Variants in TRIO observed in about 807,000 individuals in gnomAD.
TRIO encodes the protein trio Rho guanine nucleotide exchange factor.
Under a neutral mutation model 351.9 loss-of-function variants are expected in TRIO, and 58 were observed. The observed-to-expected ratio is 0.16, with a 90% confidence interval of 0.13 to 0.21. The LOEUF (loss-of-function observed/expected upper bound fraction) is 0.21, where lower values mean the gene tolerates loss of function less well. Among genes scored for constraint, TRIO ranks in the 10% least tolerant of loss-of-function variants. The pLI is 1.00. For synonymous variants in TRIO, 1,758 were observed against 1,595.7 expected (o/e 1.10, Z -2.42); for missense variants, 3,201 against 4,027.8 (o/e 0.79, Z 5.56).
intron 48 of TRIO, 123 bp from the exon 49 acceptor site, chr5:14,492,444 C>G (rs529396714): frequency 7.4e-7 from 1 of 1,348,592 alleles, no homozygotes; most frequent in Admixed American, 2.3e-5. Context: ...TTTCTCGGTG[C>G]TTGCCTGGTG....
At chr5:14,412,283 C>G (rs1027804914) in intron 33 of TRIO, among the ~76,000 whole-genome samples, 2 of 152,206 alleles carry the variant, frequency 1.3e-5, no homozygotes, top group Non-Finnish European at 2.9e-5. Flanking sequence ...CCACCATGCC[C>G]GGCCACGGTT....
At chr5:14,458,037 G>A (rs1388557132) in intron 34 of TRIO, among the ~76,000 whole-genome samples, 1 of 151,400 alleles carries the variant, frequency 6.6e-6, no homozygotes, top group Non-Finnish European at 1.5e-5. Context: ...AAGTGGGCCT[G>A]GGTCTTTTTT....
chr5:14,329,022 A>C (rs924486918), intron 9 of TRIO, among the ~76,000 whole-genome samples: 1 of 152,198 alleles, frequency 6.6e-6, no homozygotes, highest in Non-Finnish European at 1.5e-5. Flanking sequence ...AGGCCCTCAG[A>C]TGTGAAGGTC....
At chr5:14,337,549 GA>G (rs752823260) in intron 11 of TRIO, among the ~76,000 whole-genome samples, 1 of 152,134 alleles carries the variant, frequency 6.6e-6, no homozygotes, top group Non-Finnish European at 1.5e-5. Context: ...GGTAACTGGG[GA>G]CTATGCACAT....
At chr5:14,395,280 A>G (rs1327855900) in intron 28 of TRIO, among the ~76,000 whole-genome samples, 1 of 152,236 alleles carries the variant, frequency 6.6e-6, no homozygotes, top group African/African-American at 2.4e-5. Flanking sequence ...CCGCAGAAAT[A>G]TATAGTTACT....
intron 34 of TRIO, among the ~76,000 whole-genome samples, chr5:14,423,795 G>A (rs556195874): frequency 6.6e-6 from 1 of 152,098 alleles, no homozygotes; most frequent in East Asian, 1.9e-4. Context: ...TCCTGGGGAG[G>A]GCCTTCCGTC....
intron 2 of TRIO, among the ~76,000 whole-genome samples, chr5:14,276,425 G>A (rs1404563613): frequency 6.6e-6 from 1 of 152,268 alleles, no homozygotes; most frequent in African/African-American, 2.4e-5. Flanking sequence ...GGCTGGCGAG[G>A]TGCTCGCCTT....
chr5:14,292,899 T>G, intron 5 of TRIO, 113 bp from the exon 6 acceptor site: 1 of 1,471,542 alleles, frequency 6.8e-7, no homozygotes, highest in Non-Finnish European at 9.3e-7. Flanking sequence ...AGACAGCGCT[T>G]GAAGTTGTCC....
chr5:14,356,557 A>G (rs1315214845), intron 11 of TRIO, among the ~76,000 whole-genome samples: 2 of 152,230 alleles, frequency 1.3e-5, no homozygotes, highest in Non-Finnish European at 2.9e-5. Flanking sequence ...CACTTTGGAA[A>G]AGCTTGGCAG....
chr5:14,418,162 C>T (rs1358839453), intron 33 of TRIO, among the ~76,000 whole-genome samples: 1 of 152,044 alleles, frequency 6.6e-6, no homozygotes, highest in African/African-American at 2.4e-5. Flanking sequence ...ATAGAGGGGA[C>T]GTGGGGGCTT....
chr5:14,157,027 G>A (rs1259576082), intron 1 of TRIO, among the ~76,000 whole-genome samples: 1 of 152,182 alleles, frequency 6.6e-6, no homozygotes, highest in East Asian at 1.9e-4. Context: ...AATTGCCAAA[G>A]AGAAGAAATA....
intron 11 of TRIO, among the ~76,000 whole-genome samples, chr5:14,355,927 T>G (rs1743574545): frequency 6.6e-6 from 1 of 152,192 alleles, no homozygotes; most frequent in Admixed American, 6.5e-5. Flanking sequence ...ATGTATAAAA[T>G]GAAAATTTTG....
At chr5:14,457,043 C>T (rs1381737828) in intron 34 of TRIO, among the ~76,000 whole-genome samples, 2 of 152,040 alleles carry the variant, frequency 1.3e-5, no homozygotes, top group Non-Finnish European at 2.9e-5. Flanking sequence ...TTTTCCCCAC[C>T]AGAGAGAGTC....
intron 19 of TRIO, among the ~76,000 whole-genome samples, chr5:14,376,460 A>G (rs1195528683): frequency 1.3e-5 from 2 of 152,220 alleles, no homozygotes; most frequent in African/African-American, 4.8e-5. Context: ...AGAGAAATAC[A>G]AACATATATT....
chr5:14,500,888 C>CA (rs34729667), intron 53 of TRIO, among the ~76,000 whole-genome samples: 4,157 of 63,222 alleles, frequency 0.066, 142 homozygotes, highest in Non-Finnish European at 0.09. Context: ...GACTCTGCCT[C>CA]AAAAAAAAAA....
intron 40 of TRIO, among the ~76,000 whole-genome samples, chr5:14,475,430 T>C (rs1754999285): frequency 6.6e-6 from 1 of 152,214 alleles, no homozygotes; most frequent in Non-Finnish European, 1.5e-5. Context: ...GATGGGAATA[T>C]GCTCTTTTAA....
chr5:14,346,151 A>G (rs1433736078), intron 11 of TRIO, among the ~76,000 whole-genome samples: 1 of 152,144 alleles, frequency 6.6e-6, no homozygotes, highest in Non-Finnish European at 1.5e-5. Context: ...TTTTGTTATC[A>G]TTTGTTTGTT....
intron 28 of TRIO, among the ~76,000 whole-genome samples, chr5:14,396,111 T>C (rs1277992776): frequency 6.6e-6 from 1 of 151,120 alleles, no homozygotes; most frequent in Non-Finnish European, 1.5e-5. Flanking sequence ...GTTCCTGTTA[T>C]CATTCATTTA....
chr5:14,375,938 G>T (rs1745522523), intron 19 of TRIO, among the ~76,000 whole-genome samples: 1 of 152,130 alleles, frequency 6.6e-6, no homozygotes, highest in South Asian at 2.1e-4. Context: ...ATAACAGCAT[G>T]ACCACTGGTC....
Sources: allele counts gnomAD v4.1 joint callset (sites outside exome capture counted in the v4.1 genomes callset), GRCh38; gene constraint gnomAD v4.1.1; transcripts MANE v1.5; gene names NCBI Gene and HGNC (gene_info 2026-07-23, HGNC 2026-07-21).